PLCL2: variants seen among roughly 807,000 people sequenced by gnomAD.
PLCL2 encodes phospholipase C like 2.
In PLCL2, 4 loss-of-function variants were observed where a neutral mutation model predicts 79.6. The observed-to-expected ratio is 0.05, with a 90% CI of 0.02 to 0.11. PLCL2 has a LOEUF of 0.11. Ranked by LOEUF, PLCL2 falls within the 10% of genes least tolerant of loss-of-function variation. PLCL2 has a pLI of 1.00. For synonymous variants in PLCL2, 484 were observed against 457.7 expected (o/e 1.06, Z -0.73); for missense variants, 895 against 1,291.0 (o/e 0.69, Z 4.70).
At chr3:17,070,280 G>A (rs906561539) in intron 5 of PLCL2, among the ~76,000 whole-genome samples, 1 of 152,120 alleles carries the variant, frequency 6.6e-6, no homozygotes, top group Non-Finnish European at 1.5e-5. Flanking sequence ...AGAAGCACTG[G>A]GCTGAGAGCC....
intron 1 of PLCL2, among the ~76,000 whole-genome samples, chr3:16,988,012 G>A (rs2064067428): frequency 6.6e-6 from 1 of 152,240 alleles, no homozygotes; most frequent in African/African-American, 2.4e-5. Flanking sequence ...GCTAAACATT[G>A]GTATTTCATT....
At chr3:17,079,756 T>G (rs553176130) in intron 5 of PLCL2, among the ~76,000 whole-genome samples, 1 of 152,282 alleles carries the variant, frequency 6.6e-6, no homozygotes, top group African/African-American at 2.4e-5. Context: ...TATTTAAAAT[T>G]ATTAACTTTT....
intron 4 of PLCL2, among the ~76,000 whole-genome samples, chr3:17,049,525 A>C (rs1376290728): frequency 6.6e-6 from 1 of 152,230 alleles, no homozygotes; most frequent in Non-Finnish European, 1.5e-5. Flanking sequence ...TAGCATTTCT[A>C]TATGCCAACA....
At chr3:17,064,555 T>A (rs1010467254) in intron 4 of PLCL2, among the ~76,000 whole-genome samples, 2 of 152,158 alleles carry the variant, frequency 1.3e-5, no homozygotes, top group African/African-American at 2.4e-5. Flanking sequence ...GTCCTTGCCC[T>A]GGCGCTCGCA....
In PLCL2 at chr3:16,910,394, G is replaced by A. The variant is rs118091835; in HGVS notation, c.327+25028G>A. Among the ~76,000 whole-genome samples the A allele has an allele frequency of 5.1e-4, 78 of 151,866 alleles. No individual in the cohort carries two copies. In the East Asian group the frequency reaches 0.014, roughly 28 times the overall value. On this transcript the variant is annotated intron_variant, in intron 1 of 5. Coordinates refer to ENST00000615277, the MANE Select transcript of PLCL2 (RefSeq NM_001144382.2). ...TTGCAGTCCTCCCCTTACTTCACCC[G>A]TCAGTAGTGTTTGGCATGGCTGATC...
At chr3:16,928,942 G>A (rs1383546965) in intron 1 of PLCL2, among the ~76,000 whole-genome samples, 2 of 26,152 alleles carry the variant, frequency 7.6e-5, no homozygotes, top group Non-Finnish European at 7.0e-5. Context: ...GTTTGAGAGT[G>A]AGTGGGAAGT....
chr3:17,048,458 C>G (rs2064804709), intron 4 of PLCL2, among the ~76,000 whole-genome samples: 1 of 152,088 alleles, frequency 6.6e-6, no homozygotes, highest in Non-Finnish European at 1.5e-5. Context: ...AGGTACTAGT[C>G]TATTTTATCA....
chr3:17,054,049 A>T (rs190488003), intron 4 of PLCL2, among the ~76,000 whole-genome samples: 4 of 152,230 alleles, frequency 2.6e-5, no homozygotes, highest in African/African-American at 4.8e-5. Flanking sequence ...GTTAAATATA[A>T]ATTCCAGTTT....
At chr3:16,889,152 C>G (rs1330754747) in intron 1 of PLCL2, among the ~76,000 whole-genome samples, 1 of 152,154 alleles carries the variant, frequency 6.6e-6, no homozygotes, top group Non-Finnish European at 1.5e-5. Flanking sequence ...ATGCAAAACA[C>G]GTGAAAAGTG....
In PLCL2 at chr3:17,012,036, G is replaced by A. The variant is rs1255939157; in HGVS notation, c.2690G>A (p.Arg897Lys). 5.0e-6 allele frequency: 8 copies of A among 1,614,130 alleles called. No homozygotes were observed. The South Asian group carries it at 8.8e-5, about 18-fold the overall frequency. The change falls in exon 2 of 6, where the codon AGA (arginine) becomes AAA (lysine). Residue 897 changes from arginine to lysine, a missense_variant. Transcript: ENST00000615277. ...GKPHKRGLSVRKGKKSREYAS... is the reference protein window; with the variant it reads ...GKPHKRGLSVKKGKKSREYAS... The stretch of plus-strand genomic sequence containing the variant: ...CCTCATAAAAGGGGCCTTTCTGTGA[G>A]AAAAGGGAAGAAATCCAGGGAATAT...
chr3:16,945,051 T>C (rs2063587869), intron 1 of PLCL2, among the ~76,000 whole-genome samples: 1 of 152,210 alleles, frequency 6.6e-6, no homozygotes, highest in South Asian at 2.1e-4. Context: ...TGAGCCACTG[T>C]GCCCAGCCTA....
At chr3:16,915,940 C>T (rs1696984079) in intron 1 of PLCL2, among the ~76,000 whole-genome samples, 2 of 152,154 alleles carry the variant, frequency 1.3e-5, no homozygotes, top group South Asian at 4.1e-4. Context: ...AAAGTCCAGG[C>T]TCAACTCGCT....
chr3:17,014,489 C>T (rs903583636), intron 2 of PLCL2, among the ~76,000 whole-genome samples: 1 of 152,172 alleles, frequency 6.6e-6, no homozygotes, highest in Non-Finnish European at 1.5e-5. Flanking sequence ...ATTTTCAGTA[C>T]TTTTGATAAA....
intron 4 of PLCL2, among the ~76,000 whole-genome samples, chr3:17,057,116 T>A (rs995939334): frequency 6.6e-6 from 1 of 152,170 alleles, no homozygotes; most frequent in African/African-American, 2.4e-5. Flanking sequence ...TGGGATTGAT[T>A]TTTTTTAAGC....
intron 5 of PLCL2, among the ~76,000 whole-genome samples, chr3:17,082,847 T>C (rs143994657): frequency 2.7e-4 from 41 of 152,248 alleles, no homozygotes; most frequent in African/African-American, 9.9e-4. Context: ...TGTATTTACA[T>C]TAAAAGTAAA....
At chr3:16,981,388 AAG>A (rs2063995972) in intron 1 of PLCL2, among the ~76,000 whole-genome samples, 4 of 152,300 alleles carry the variant, frequency 2.6e-5, no homozygotes, top group African/African-American at 9.6e-5. Flanking sequence ...GGTCTAGAAA[AAG>A]AGTCAACAGT....
chr3:16,925,296 A>G (rs1697220891), intron 1 of PLCL2, among the ~76,000 whole-genome samples: 1 of 151,870 alleles, frequency 6.6e-6, no homozygotes, highest in Non-Finnish European at 1.5e-5. Flanking sequence ...TAGAATTCCA[A>G]AATTCTGTTT....
At chr3:16,997,574 A>G (rs1198073044) in intron 1 of PLCL2, among the ~76,000 whole-genome samples, 2 of 139,794 alleles carry the variant, frequency 1.4e-5, no homozygotes, top group Admixed American at 1.6e-4. Context: ...TCTGTTGTCC[A>G]GGCTGGAGTG....
At chr3:16,903,230 T>C (rs999219043) in intron 1 of PLCL2, among the ~76,000 whole-genome samples, 5 of 152,358 alleles carry the variant, frequency 3.3e-5, no homozygotes, top group South Asian at 4.1e-4. Flanking sequence ...CCATGATTAA[T>C]AATTTTTTCC....
Sources: allele counts gnomAD v4.1 joint callset (sites outside exome capture counted in the v4.1 genomes callset), GRCh38; gene constraint gnomAD v4.1.1; transcripts MANE v1.5; gene names NCBI Gene and HGNC (gene_info 2026-07-23, HGNC 2026-07-21).